The following IGSF21 variants were observed in gnomAD, a reference collection of about 807,000 sequenced individuals.
IGSF21 encodes the protein immunoglobulin superfamily member 21.
A neutral mutation model predicts 46.8 loss-of-function variants in IGSF21; 28 were observed. The observed-to-expected ratio is 0.60, with a 90% CI of 0.44 to 0.82. The LOEUF is 0.82. Among genes scored for constraint, IGSF21 ranks in the 40% least tolerant of loss-of-function variants. The pLI is 0.00. For synonymous variants in IGSF21, 284 were observed against 273.6 expected (o/e 1.04, Z -0.38); for missense variants, 624 against 665.5 (o/e 0.94, Z 0.69).
intron 1 of IGSF21, among the ~76,000 whole-genome samples, chr1:18,205,859 C>G (rs967268867): frequency 6.6e-6 from 1 of 152,204 alleles, no homozygotes; most frequent in Non-Finnish European, 1.5e-5. Context: ...ATGATGATCT[C>G]TTTTAATGCT....
chr1:18,218,889 T>C (rs2084479684), intron 1 of IGSF21, among the ~76,000 whole-genome samples: 1 of 152,058 alleles, frequency 6.6e-6, no homozygotes, highest in Non-Finnish European at 1.5e-5. Flanking sequence ...ATAGAAGATA[T>C]AAAGAAGAGC....
intron 3 of IGSF21, among the ~76,000 whole-genome samples, chr1:18,314,855 A>G (rs1210628467): frequency 6.6e-6 from 1 of 152,130 alleles, no homozygotes; most frequent in African/African-American, 2.4e-5. Flanking sequence ...GGATGGGCGG[A>G]TGACATCCAG....
intron 3 of IGSF21, among the ~76,000 whole-genome samples, chr1:18,313,234 G>A (rs1334842203): frequency 6.6e-6 from 1 of 152,148 alleles, no homozygotes. Context: ...AGAGAGGCTT[G>A]CCCTTGCCCC....
At chr1:18,242,183 G>A (rs1348696024) in intron 2 of IGSF21, among the ~76,000 whole-genome samples, 6 of 152,140 alleles carry the variant, frequency 3.9e-5, no homozygotes, top group Non-Finnish European at 7.4e-5. Context: ...CAGGCAGCAC[G>A]GTTCACCTAC....
chr1:18,356,362 A>C (rs2086018204), intron 4 of IGSF21, among the ~76,000 whole-genome samples: 1 of 152,180 alleles, frequency 6.6e-6, no homozygotes, highest in Admixed American at 6.5e-5. Context: ...AAAATGAGGC[A>C]CTGATGGTGG....
At chr1:18,348,019 T>C (rs543204863) in intron 4 of IGSF21, among the ~76,000 whole-genome samples, 27 of 152,328 alleles carry the variant, frequency 1.8e-4, no homozygotes, top group Non-Finnish European at 3.4e-4. Context: ...TTTTCAGTTA[T>C]AAGGTACCAA....
chr1:18,376,577 G>A (rs1286813404), intron 7 of IGSF21, among the ~76,000 whole-genome samples, 182 bp downstream of exon 7: 1 of 152,218 alleles, frequency 6.6e-6, no homozygotes, highest in Non-Finnish European at 1.5e-5. Flanking sequence ...GCAAAGAGGT[G>A]CATGCATGTT....
intron 2 of IGSF21, among the ~76,000 whole-genome samples, chr1:18,289,341 A>G (rs1286298563): frequency 6.6e-6 from 1 of 152,184 alleles, no homozygotes; most frequent in Non-Finnish European, 1.5e-5. Flanking sequence ...AGATTCTGAC[A>G]TCCTTTCTCC....
chr1:18,289,188 G>A (rs996279729), intron 2 of IGSF21, among the ~76,000 whole-genome samples: 2 of 152,126 alleles, frequency 1.3e-5, no homozygotes, highest in Non-Finnish European at 2.9e-5. Flanking sequence ...TTGAGATTGG[G>A]ACGATAAGGG....
rs115499419 is a variant in IGSF21, at chr1:18,170,342, A to G, written c.71-57556A>G. ...TAGGGATTCTAGAATCCAGATTTGT[A>G]TAAGACAAATCGGTGGCTCCCAAAT... is the stretch of plus-strand genomic sequence containing the variant. On this transcript the variant is annotated intron_variant, in intron 1 of 9. Coordinates refer to ENST00000251296, the MANE Select transcript of IGSF21 (RefSeq NM_032880.5). 2.2e-3 allele frequency among the ~76,000 whole-genome samples: 340 copies of G among 152,158 alleles called. 1 individual carries two copies. Among genetic ancestry groups the G allele is most frequent in the African/African-American group, 7.8e-3 (325 of 41,524 alleles).
chr1:18,134,941 A>G (rs892131281), intron 1 of IGSF21, among the ~76,000 whole-genome samples: 1 of 152,220 alleles, frequency 6.6e-6, no homozygotes, highest in African/African-American at 2.4e-5. Flanking sequence ...TTTCTGGAGG[A>G]AAAGGGCTGC....
intron 1 of IGSF21, chr1:18,115,273 CCA>C (rs1015904618): frequency 1.5e-4 from 23 of 152,440 alleles, no homozygotes; most frequent in African/African-American, 4.6e-4. Flanking sequence ...CAGCCCCCCA[CCA>C]CACACACACA....
intron 1 of IGSF21, among the ~76,000 whole-genome samples, chr1:18,130,417 G>A (rs1486590841): frequency 6.6e-6 from 1 of 152,182 alleles, no homozygotes; most frequent in South Asian, 2.1e-4. Flanking sequence ...CAAGGGGCTG[G>A]CTCTCTCTGG....
At chr1:18,179,235 A>G (rs540604271) in intron 1 of IGSF21, 2 of 152,256 alleles carry the variant, frequency 1.3e-5, no homozygotes, top group African/African-American at 4.8e-5. Context: ...AGCTCACGGC[A>G]ACTCAACAGG....
At chr1:18,244,270 A>C (rs2084762115) in intron 2 of IGSF21, among the ~76,000 whole-genome samples, 1 of 152,238 alleles carries the variant, frequency 6.6e-6, no homozygotes, top group East Asian at 1.9e-4. Flanking sequence ...AACTCTGGGC[A>C]ATGGTAGAAA....
chr1:18,314,983 A>ATT (rs1364304127), intron 3 of IGSF21, among the ~76,000 whole-genome samples: 3 of 152,100 alleles, frequency 2.0e-5, no homozygotes, highest in Admixed American at 6.5e-5. Context: ...AGTTCATCAG[A>ATT]GATCATGATT....
chr1:18,328,261 C>G (rs2085677177), intron 3 of IGSF21, among the ~76,000 whole-genome samples: 1 of 152,216 alleles, frequency 6.6e-6, no homozygotes, highest in Non-Finnish European at 1.5e-5. Flanking sequence ...AGCGCCTAAC[C>G]TAGCTTAAAT....
chr1:18,375,158 C>T (rs953917465), intron 6 of IGSF21, among the ~76,000 whole-genome samples: 1 of 152,208 alleles, frequency 6.6e-6, no homozygotes, highest in African/African-American at 2.4e-5. Context: ...CTGTCACTCT[C>T]ATCCTGTTTT....
chr1:18,108,193 C>G lies in IGSF21; in HGVS notation c.65C>G (p.Ala22Gly), dbSNP rs1441647073. The change falls in exon 1 of 10, where the codon GCG becomes GGG. Residue 22 changes from alanine to glycine, a missense_variant. Transcript: ENST00000251296. Reference sequence around the variant, plus strand: ...CTGCTCGCCGCGATCCTGGACCTGGCGCGCGGTGAGTGCGCGGGCGCCTGG... The same window carrying G: ...CTGCTCGCCGCGATCCTGGACCTGGGGCGCGGTGAGTGCGCGGGCGCCTGG... ...CLLLAAILDLARGYLTVNIEP... is the reference protein window; with the variant it reads ...CLLLAAILDLGRGYLTVNIEP... 1.0e-5 allele frequency: 15 copies of G among 1,430,038 alleles called. No individual in the cohort carries two copies. Among genetic ancestry groups the G allele is most frequent in the Non-Finnish European group, 1.4e-5 (15 of 1,093,264 alleles). 88.6% of individuals were successfully genotyped at this position (1,430,038 alleles called of 1,614,324 possible). A position where few individuals can be genotyped will look rare whatever the true frequency, so the allele number is the denominator to read the frequency against.
Sources: allele counts gnomAD v4.1 joint callset (sites outside exome capture counted in the v4.1 genomes callset), GRCh38; gene constraint gnomAD v4.1.1; transcripts MANE v1.5; gene names NCBI Gene and HGNC (gene_info 2026-07-23, HGNC 2026-07-21).